The following PPARGC1A variants were observed in gnomAD, a reference collection of about 807,000 sequenced individuals.
PPARGC1A encodes the protein PPARG coactivator 1 alpha.
In PPARGC1A, 25 loss-of-function variants were observed where a neutral mutation model predicts 88.7. That is an observed-to-expected ratio of 0.28 (90% CI 0.21 to 0.39). The LOEUF is 0.39. Among genes scored for constraint, PPARGC1A ranks in the 10% least tolerant of loss-of-function variants. PPARGC1A has a pLI of 1.00. For synonymous variants in PPARGC1A, 363 were observed against 355.6 expected, an observed-to-expected ratio of 1.02 and a Z score of -0.24; for missense variants, 880 against 968.7, an observed-to-expected ratio of 0.91 and a Z score of 1.22.
chr4:24,343,385 A>G, the PPARGC1A span, among the ~76,000 whole-genome samples: 1 of 152,176 alleles, frequency 6.6e-6, no homozygotes, highest in Non-Finnish European at 1.5e-5. Context: ...CGGCTTGAGT[A>G]GGAGTGAGTT....
At chr4:24,297,884 G>C in the PPARGC1A span, among the ~76,000 whole-genome samples, 5 of 152,148 alleles carry the variant, frequency 3.3e-5, no homozygotes, top group Non-Finnish European at 7.4e-5. Context: ...TTTGTTGCAA[G>C]CAACAGGATG....
the PPARGC1A span, among the ~76,000 whole-genome samples, chr4:24,385,396 G>C: frequency 6.6e-6 from 1 of 152,092 alleles, no homozygotes; most frequent in African/African-American, 2.4e-5. Flanking sequence ...TAAGATCAGA[G>C]CAAAACTGAA....
chr4:23,896,761 A>G (rs1175180117), intron 1 of PPARGC1A, among the ~76,000 whole-genome samples: 2 of 152,218 alleles, frequency 1.3e-5, no homozygotes, highest in African/African-American at 4.8e-5. Flanking sequence ...ATTTTCAAGA[A>G]TGGTATAAAT....
the PPARGC1A span, among the ~76,000 whole-genome samples, chr4:24,049,485 T>C: frequency 1.3e-5 from 2 of 151,266 alleles, no homozygotes; most frequent in African/African-American, 4.9e-5. Context: ...TGGGTGAAAT[T>C]TGTCGGGGAA....
intron 3 of PPARGC1A, among the ~76,000 whole-genome samples, chr4:23,830,359 C>G (rs1024024912): frequency 6.6e-6 from 1 of 152,160 alleles, no homozygotes; most frequent in African/African-American, 2.4e-5. Flanking sequence ...CTGGATGACC[C>G]TCAAGGACTT....
chr4:23,808,001 G>C (rs569063744), intron 10 of PPARGC1A, among the ~76,000 whole-genome samples: 3 of 152,018 alleles, frequency 2.0e-5, no homozygotes, highest in African/African-American at 7.2e-5. Context: ...GAATAACTCT[G>C]AGCACTTTGG....
At chr4:24,020,708 G>A in the PPARGC1A span, among the ~76,000 whole-genome samples, 44 of 152,202 alleles carry the variant, frequency 2.9e-4, no homozygotes, top group African/African-American at 8.7e-4. Context: ...GAAAGGGAAG[G>A]GGGGACAGAG....
chr4:24,147,468 C>A, the PPARGC1A span, among the ~76,000 whole-genome samples: 1 of 152,172 alleles, frequency 6.6e-6, no homozygotes, highest in Non-Finnish European at 1.5e-5. Context: ...CTGTACCGGG[C>A]ATAGCTTATT....
chr4:24,208,019 C>T, the PPARGC1A span, among the ~76,000 whole-genome samples: 1 of 152,284 alleles, frequency 6.6e-6, no homozygotes, highest in East Asian at 1.9e-4. Context: ...TGACTCACAC[C>T]TGTAATCCCA....
chr4:24,074,740 G>A, the PPARGC1A span, among the ~76,000 whole-genome samples: 174 of 152,206 alleles, frequency 1.1e-3, 1 homozygote, highest in Non-Finnish European at 2.1e-3. Flanking sequence ...TGCCCCATGT[G>A]GTGGGATGCA....
chr4:23,857,375 C>T (rs1363197401), intron 2 of PPARGC1A, among the ~76,000 whole-genome samples: 1 of 123,796 alleles, frequency 8.1e-6, no homozygotes, highest in African/African-American at 2.9e-5. Flanking sequence ...GTGTGTGTGA[C>T]ACACACACAC....
chr4:23,826,194 G>A (rs1328149172), intron 5 of PPARGC1A, among the ~76,000 whole-genome samples: 1 of 152,138 alleles, frequency 6.6e-6, no homozygotes, highest in South Asian at 2.1e-4. Context: ...AACAGGAAAT[G>A]AGAGCCATAA....
chr4:24,149,713 G>T, the PPARGC1A span, among the ~76,000 whole-genome samples: 1 of 152,190 alleles, frequency 6.6e-6, no homozygotes, highest in Non-Finnish European at 1.5e-5. Flanking sequence ...CACTATGCCT[G>T]CCATTCTAAA....
intron 10 of PPARGC1A, among the ~76,000 whole-genome samples, chr4:23,811,481 G>A (rs1452331342): frequency 6.6e-6 from 1 of 152,184 alleles, no homozygotes; most frequent in African/African-American, 2.4e-5. Context: ...TGGCTCCCTA[G>A]AGCATCATGT....
At chr4:23,935,771 A>G in the PPARGC1A span, among the ~76,000 whole-genome samples, 2 of 152,240 alleles carry the variant, frequency 1.3e-5, no homozygotes, top group African/African-American at 2.4e-5. Flanking sequence ...TTGCAAAATC[A>G]GGAAGTCAGG....
chr4:24,369,546 C>T, the PPARGC1A span, among the ~76,000 whole-genome samples: 4 of 151,990 alleles, frequency 2.6e-5, no homozygotes, highest in African/African-American at 7.3e-5. Context: ...CCAATTTCTA[C>T]ATGAGAAAAT....
At chr4:24,165,130 C>A in the PPARGC1A span, among the ~76,000 whole-genome samples, 1 of 151,816 alleles carries the variant, frequency 6.6e-6, no homozygotes, top group Non-Finnish European at 1.5e-5. Context: ...AATATTAGGA[C>A]CCTTTTTCCA....
At chr4:23,813,563 GC>G (rs1721346185) in intron 8 of PPARGC1A, 126 bp downstream of exon 8, 3 of 806,322 alleles carry the variant, frequency 3.7e-6, no homozygotes, top group Non-Finnish European at 5.7e-6. Context: ...GTTAGTTCCA[GC>G]AGTGCCAGAA....
At chr4:24,354,581 C>T in the PPARGC1A span, among the ~76,000 whole-genome samples, 24 of 152,262 alleles carry the variant, frequency 1.6e-4, no homozygotes, top group South Asian at 4.2e-3. Flanking sequence ...AGCTGAGACA[C>T]ATATCATGTA....
Sources: gnomAD v4.1 joint callset for allele counts (sites outside exome capture counted in the v4.1 genomes callset) on GRCh38, gnomAD v4.1.1 for gene constraint, MANE v1.5 for transcripts, NCBI Gene and HGNC (gene_info 2026-07-23, HGNC 2026-07-21) for gene names.